The following DTX4 variants were observed in gnomAD, a reference collection of about 807,000 sequenced individuals.
The protein encoded by DTX4 is deltex E3 ubiquitin ligase 4.
A neutral mutation model predicts 57.6 loss-of-function variants in DTX4; 28 were observed. The ratio of observed to expected loss-of-function variants is 0.49; its 90% CI spans 0.36 to 0.67. The LOEUF (loss-of-function observed/expected upper bound fraction) is 0.67, where lower values mean the gene tolerates loss of function less well. Ranked by LOEUF, DTX4 falls within the 30% of genes least tolerant of loss-of-function variation. DTX4 has a pLI of 0.00. For synonymous variants in DTX4, 316 were observed against 331.0 expected, an observed-to-expected ratio of 0.95 and a Z score of 0.49; for missense variants, 715 against 836.8, an observed-to-expected ratio of 0.85 and a Z score of 1.80.
intron 8 of DTX4, among the ~76,000 whole-genome samples, chr11:59,204,381 G>A (rs1350992338): frequency 6.6e-6 from 1 of 152,200 alleles, no homozygotes; most frequent in African/African-American, 2.4e-5. Context: ...GGAGTGTCCA[G>A]TAAGATGTTC....
At chr11:59,171,499 TA>T (rs1467909321), upstream of DTX4, 1 of 152,246 alleles carries the variant, frequency 6.6e-6, no homozygotes, top group Admixed American at 6.5e-5. Context: ...GTAGGTAATA[TA>T]AATCCATCAT....
chr11:59,179,921 GACACAC>G (rs145272277), intron 1 of DTX4, among the ~76,000 whole-genome samples: 2 of 148,294 alleles, frequency 1.3e-5, no homozygotes, highest in African/African-American at 2.5e-5. Flanking sequence ...TACACACACA[GACACAC>G]ACACACACAC....
At chr11:59,184,319 T>C (rs762097744) in intron 2 of DTX4, among the ~76,000 whole-genome samples, 1 of 152,196 alleles carries the variant, frequency 6.6e-6, no homozygotes, top group Non-Finnish European at 1.5e-5. Flanking sequence ...GCTGTGTCAG[T>C]TGGGGCAAGA....
rs1245164092 is a variant in DTX4, at chr11:59,191,066, A to G, written c.1160-48A>G. On this transcript the variant is annotated intron_variant, in intron 4 of 8. Coordinates refer to ENST00000227451, the MANE Select transcript of DTX4 (RefSeq NM_015177.2). The stretch of plus-strand genomic sequence containing the variant: ...ATGTCTAGCACGACAAGGCTGTTTG[A>G]TCTCTTACCTCTGCCTTGGTGGCCC... The G allele has an allele frequency of 3.2e-6, 5 of 1,540,010 alleles. No homozygotes were observed. In the South Asian group the frequency reaches 4.8e-5, roughly 15 times the overall value.
Position 59,191,143 on chromosome 11 carries a change from T to A in DTX4, c.1189T>A (p.Tyr397Asn), listed in dbSNP as rs938194035. 23 of 1,574,080 alleles carry A rather than the reference T, an allele frequency of 1.5e-5. No homozygotes were observed. Among genetic ancestry groups the A allele is most frequent in the East Asian group, 4.7e-5 (2 of 42,586 alleles). The change falls in exon 5 of 9, where the codon TAT (tyrosine) becomes AAT (asparagine). Residue 397 changes from tyrosine to asparagine, a missense_variant. Transcript: ENST00000227451. Reference sequence around the variant, plus strand: ...AACCCCAGAGGAAGTGCTAAAAAAATATCTACAGAAAGTCCGGCACCCACC... The same window carrying A: ...AACCCCAGAGGAAGTGCTAAAAAAAAATCTACAGAAAGTCCGGCACCCACC... ...GKTPEEVLKKYLQKVRHPPDE... is the reference protein window; with the variant it reads ...GKTPEEVLKKNLQKVRHPPDE...
At chr11:59,191,047 A>C in intron 4 of DTX4, 67 bp from the exon 5 acceptor site, 1 of 1,474,994 alleles carries the variant, frequency 6.8e-7, no homozygotes, top group Non-Finnish European at 9.3e-7. Flanking sequence ...TACCATGTCT[A>C]GCACGACAAG....
Position 59,204,553 on chromosome 11 carries a change from G to A in DTX4, c.1627-123G>A, listed in dbSNP as rs541269939. 8 of 870,546 alleles carry A rather than the reference G, an allele frequency of 9.2e-6. No individual in the cohort carries two copies. In the South Asian group the frequency reaches 1.3e-4, roughly 14 times the overall value. The allele number at this position is 870,546 out of a possible 1,614,324, so 53.9% of individuals were successfully genotyped here. ...GTCCAAATCTCTTTCTTTCCCCTGGGCTGCTTAGGGTATCATGATGCAGGA... is the reference window on the plus strand; with the variant it reads ...GTCCAAATCTCTTTCTTTCCCCTGGACTGCTTAGGGTATCATGATGCAGGA... On this transcript the variant is annotated intron_variant, in intron 8 of 8. Coordinates refer to ENST00000227451, the MANE Select transcript of DTX4 (RefSeq NM_015177.2).
rs1862332697 is a variant in DTX4, at chr11:59,172,186, G to A, written c.-410G>A. On this transcript the variant is annotated 5_prime_UTR_variant, in exon 1 of 9. Coordinates refer to ENST00000227451, the MANE Select transcript of DTX4 (RefSeq NM_015177.2). ...CACCCCGGCGTCTGCAGAGGCCGAG[G>A]CGCAACTGGTGCGAGGGCTGGGTCC... Among the ~76,000 whole-genome samples, 2 of 152,110 alleles carry A rather than the reference G, an allele frequency of 1.3e-5. No homozygotes were observed. The highest frequency in any genetic ancestry group is 4.1e-4 in the South Asian group (2 of 4,832).
intron 4 of DTX4, 62 bp from the exon 5 acceptor site, chr11:59,191,049 CACG>C: frequency 1.4e-6 from 2 of 1,480,618 alleles, no homozygotes. Flanking sequence ...CCATGTCTAG[CACG>C]ACAAGGCTGT....
chr11:59,195,965 T>G (rs1862662683), intron 7 of DTX4, among the ~76,000 whole-genome samples: 1 of 152,270 alleles, frequency 6.6e-6, no homozygotes, highest in South Asian at 2.1e-4. Flanking sequence ...ATTTCTTTCC[T>G]CTTTTGATTC....
intron 2 of DTX4, among the ~76,000 whole-genome samples, chr11:59,188,410 C>G (rs924360662): frequency 9.2e-5 from 14 of 152,154 alleles, no homozygotes; most frequent in African/African-American, 3.4e-4. Context: ...TGCAAAGGCT[C>G]TGAGGCAGGA....
At chr11:59,193,683 A>T (rs1432385030) in intron 6 of DTX4, among the ~76,000 whole-genome samples, 1 of 152,234 alleles carries the variant, frequency 6.6e-6, no homozygotes. Context: ...ACTTTGAAGC[A>T]TGTGTTTTTA....
In DTX4 at chr11:59,204,975, T is replaced by A; in HGVS notation, c.*66T>A. ...CAGGACAGGAAGTGAGGAGAGTGAG[T>A]CAATGTAGAAGAAGTTGGTGTCCTG... On this transcript the variant is annotated 3_prime_UTR_variant, in exon 9 of 9. Coordinates refer to ENST00000227451, the MANE Select transcript of DTX4 (RefSeq NM_015177.2). 2 of 1,412,662 alleles carry A rather than the reference T, an allele frequency of 1.4e-6. No homozygotes were observed. The highest frequency in any genetic ancestry group is 1.9e-6 in the Non-Finnish European group (2 of 1,027,414). 87.5% of individuals were successfully genotyped at this position (1,412,662 alleles called of 1,614,324 possible).
chr11:59,172,056 C>T (rs1181757682), upstream of DTX4, among the ~76,000 whole-genome samples: 1 of 151,324 alleles, frequency 6.6e-6, no homozygotes, highest in Non-Finnish European at 1.5e-5. Context: ...GGGAGCTCTC[C>T]CAGCGGCGGG....
intron 6 of DTX4, among the ~76,000 whole-genome samples, chr11:59,194,722 C>T (rs767514627): frequency 3.0e-4 from 45 of 152,332 alleles, no homozygotes; most frequent in South Asian, 4.1e-4. Flanking sequence ...GTCTGATTTT[C>T]ACATTCACAG....
rs1862787739 is a variant in DTX4 at position 59,205,016 on chromosome 11, A to G, written c.*107A>G. On this transcript the variant is annotated 3_prime_UTR_variant, in exon 9 of 9. Coordinates refer to ENST00000227451, the MANE Select transcript of DTX4 (RefSeq NM_015177.2). The stretch of plus-strand genomic sequence containing the variant: ...TGGTGTCCTGCCCTCCCAACTTTCT[A>G]TCCTCCCCTCCTGCCCTGTGTCCAT... 7.3e-6 allele frequency: 7 copies of G among 963,200 alleles called. No individual in the cohort carries two copies. Among genetic ancestry groups the G allele is most frequent in the East Asian group, 2.6e-5 (1 of 38,042 alleles). The allele number at this position is 963,200 out of a possible 1,614,324, so 59.7% of individuals were successfully genotyped here.
At position 59,205,075 on chromosome 11, in the gene DTX4, C is replaced by T; in HGVS notation, c.*166C>T. 1.6e-6 allele frequency: 1 copy of T among 614,102 alleles called. No homozygotes were observed. The highest frequency in any genetic ancestry group is 4.4e-4 in the Middle Eastern group (1 of 2,278). 38.0% of individuals were successfully genotyped at this position (614,102 alleles called of 1,614,324 possible). A position where few individuals can be genotyped will look rare whatever the true frequency, so the allele number is the denominator to read the frequency against. ...CCTCCCAACCACAGTGGGAGCCAGA[C>T]TGAATATAGCGACATCATTCATAAA... On this transcript the variant is annotated 3_prime_UTR_variant, in exon 9 of 9. Coordinates refer to ENST00000227451, the MANE Select transcript of DTX4 (RefSeq NM_015177.2).
intron 7 of DTX4, among the ~76,000 whole-genome samples, chr11:59,196,195 G>A (rs560301134): frequency 1.6e-4 from 25 of 152,184 alleles, no homozygotes; most frequent in Middle Eastern, 3.2e-3. Context: ...TGTGGATTAT[G>A]GTCCAGACAT....
At position 59,205,187 on chromosome 11, in the gene DTX4, C is replaced by T. The variant is rs946791030; in HGVS notation, c.*278C>T. The T allele has an allele frequency of 2.4e-6, 1 of 408,870 alleles. No individual in the cohort carries two copies. The highest frequency in any genetic ancestry group is 3.5e-5 in the Admixed American group (1 of 28,352). 25.3% of individuals were successfully genotyped at this position (408,870 alleles called of 1,614,324 possible). ...TTGGTGCTGGGTAGGCAGGAATCCC[C>T]TCCCTACCCCACCTCCCAAGTAGGG... On this transcript the variant is annotated 3_prime_UTR_variant, in exon 9 of 9. Transcript: ENST00000227451.
Sources: allele counts gnomAD v4.1 joint callset (sites outside exome capture counted in the v4.1 genomes callset), GRCh38; gene constraint gnomAD v4.1.1; transcripts MANE v1.5; gene names NCBI Gene and HGNC (gene_info 2026-07-23, HGNC 2026-07-21).